PIN4: variants seen among roughly 807,000 people sequenced by gnomAD.
PIN4 encodes peptidyl-prolyl cis-trans isomerase NIMA-interacting 4.
Under a neutral mutation model 8.3 loss-of-function variants are expected in PIN4, and 3 were observed. The ratio of observed to expected loss-of-function variants is 0.36; its 90% confidence interval spans 0.16 to 0.93. The LOEUF is 0.93. Among genes scored for constraint, PIN4 ranks in the 40% least tolerant of loss-of-function variants. The pLI is 0.44. For missense variants in PIN4, 75 were observed against 100.6 expected, an observed-to-expected ratio of 0.75 and a Z score of 1.09; for synonymous variants, 18 against 32.5, an observed-to-expected ratio of 0.55 and a Z score of 1.52.
At chrX:72,250,123 C>T (rs775183018) in intron 3 of PIN4, among the ~76,000 whole-genome samples, 8 of 108,880 alleles carry the variant, frequency 7.3e-5, no homozygotes, top group Non-Finnish European at 9.5e-5. Context: ...GAAAAAGTCT[C>T]TCCCACTATC....
intron 3 of PIN4, among the ~76,000 whole-genome samples, chrX:72,239,689 T>C (rs1024345740): frequency 1.1e-4 from 12 of 106,403 alleles, no homozygotes; most frequent in South Asian, 8.4e-4. Flanking sequence ...CGAGAATCGC[T>C]TGGACCCAGG....
At chrX:72,219,645 C>T (rs1362804492) in intron 3 of PIN4, among the ~76,000 whole-genome samples, 16 of 108,004 alleles carry the variant, frequency 1.5e-4, no homozygotes, top group South Asian at 4.1e-4. Flanking sequence ...GTCAGGAGTT[C>T]GAAACCAGCC....
At chrX:72,206,117 G>T (rs761121796) in intron 3 of PIN4, 1 of 1,211,629 alleles carries the variant, frequency 8.3e-7, no homozygotes, top group Non-Finnish European at 1.1e-6. Context: ...TCATCCTTTA[G>T]TTGATCTAAA....
At chrX:72,190,952 C>CAA (rs764925791) in intron 2 of PIN4, among the ~76,000 whole-genome samples, 1 of 61,042 alleles carries the variant, frequency 1.6e-5, no homozygotes, top group African/African-American at 6.1e-5. Flanking sequence ...GACTCCATCT[C>CAA]AAAAAAAAAA....
intron 3 of PIN4, chrX:72,239,014 C>G: frequency 1.2e-6 from 1 of 827,588 alleles, no homozygotes; most frequent in Non-Finnish European, 1.7e-6. Flanking sequence ...TTCGCTCACT[C>G]CCGCCCCGCG....
Position 72,197,985 on chromosome X carries a change from G to T in PIN4, c.*459G>T. On this transcript the variant is annotated 3_prime_UTR_variant, in exon 4 of 4. Coordinates refer to ENST00000373669, the MANE Select transcript of PIN4 (RefSeq NM_006223.4). ...CATGTTAGTCAACTCTGATCTTCCAGGACAGGTGGTATTAGCTCCACTGTC... is the reference window on the plus strand; with the variant it reads ...CATGTTAGTCAACTCTGATCTTCCATGACAGGTGGTATTAGCTCCACTGTC... The T allele has an allele frequency of 1.3e-6, 1 of 755,705 alleles. No homozygotes were observed. The highest frequency in any genetic ancestry group is 1.6e-6 in the Non-Finnish European group (1 of 638,659). The allele number at this position is 755,705 out of a possible 1,213,427, so 62.3% of individuals were successfully genotyped here. A position where few individuals can be genotyped will look rare whatever the true frequency, so the allele number is the denominator to read the frequency against.
chrX:72,238,839 C>T (rs371289978), intron 3 of PIN4: 76 of 1,186,532 alleles, frequency 6.4e-5, no homozygotes, highest in Non-Finnish European at 8.3e-5. Flanking sequence ...GCGGTCCAGA[C>T]ATACCTTAGG....
chrX:72,231,940 G>GCAAT (rs1157732413), intron 3 of PIN4, among the ~76,000 whole-genome samples: 1 of 110,708 alleles, frequency 9.0e-6, no homozygotes, highest in African/African-American at 3.3e-5. Flanking sequence ...CTGGTCAAGT[G>GCAAT]CAATGGCTCA....
At chrX:72,260,738 C>G (rs1336570417) in intron 3 of PIN4, among the ~76,000 whole-genome samples, 1 of 112,035 alleles carries the variant, frequency 8.9e-6, no homozygotes, top group East Asian at 2.8e-4. Context: ...CATCCATTTG[C>G]TTAAGCCAGA....
chrX:72,219,085 G>A (rs778691652), intron 3 of PIN4, among the ~76,000 whole-genome samples: 144 of 108,500 alleles, frequency 1.3e-3, no homozygotes, highest in Non-Finnish European at 2.4e-3. Flanking sequence ...GTGAAACCCC[G>A]TCCCTACTAA....
intron 3 of PIN4, among the ~76,000 whole-genome samples, chrX:72,225,597 C>T (rs894547315): frequency 8.9e-6 from 1 of 112,185 alleles, no homozygotes; most frequent in African/African-American, 3.2e-5. Context: ...AAGGGACTTA[C>T]TTTCTTTCCT....
At chrX:72,251,374 AAT>A (rs2043087174) in intron 3 of PIN4, among the ~76,000 whole-genome samples, 1 of 107,033 alleles carries the variant, frequency 9.3e-6, no homozygotes, top group Non-Finnish European at 1.9e-5. Context: ...AAAAAAAAAA[AAT>A]ATGTGTGAGT....
chrX:72,256,760 G>A (rs181336618), intron 3 of PIN4, among the ~76,000 whole-genome samples: 1 of 112,059 alleles, frequency 8.9e-6, no homozygotes, highest in East Asian at 2.8e-4. Flanking sequence ...GTTTCACTGA[G>A]AACGTATGTT....
intron 3 of PIN4, among the ~76,000 whole-genome samples, chrX:72,249,833 A>C (rs1195731805): frequency 9.0e-6 from 1 of 111,496 alleles, no homozygotes; most frequent in Non-Finnish European, 1.9e-5. Context: ...TTACACAAGC[A>C]CCCACAATAT....
intron 3 of PIN4, among the ~76,000 whole-genome samples, chrX:72,259,434 G>C (rs2043128111): frequency 9.1e-6 from 1 of 109,563 alleles, no homozygotes; most frequent in Non-Finnish European, 1.9e-5. Flanking sequence ...TGGTCAGACT[G>C]GTCTCGAACT....
chrX:72,252,682 G>C (rs758649478), intron 3 of PIN4, among the ~76,000 whole-genome samples: 161 of 112,026 alleles, frequency 1.4e-3, no homozygotes, highest in African/African-American at 4.8e-3. Context: ...GAGCCACCGC[G>C]CCCGGTCCCT....
chrX:72,212,801 C>T (rs1028376162), intron 3 of PIN4, among the ~76,000 whole-genome samples: 1 of 111,049 alleles, frequency 9.0e-6, no homozygotes, highest in Non-Finnish European at 1.9e-5. Context: ...AAAAATTAGC[C>T]GGGTTTGGTG....
At chrX:72,251,093 C>T (rs2043085172) in intron 3 of PIN4, among the ~76,000 whole-genome samples, 1 of 105,078 alleles carries the variant, frequency 9.5e-6, no homozygotes, top group African/African-American at 3.5e-5. Context: ...TGCGGTGGCT[C>T]ACGCCTGTAA....
chrX:72,252,311 C>CT (rs1385765073), intron 3 of PIN4, among the ~76,000 whole-genome samples: 1 of 110,275 alleles, frequency 9.1e-6, no homozygotes, highest in Non-Finnish European at 1.9e-5. Context: ...CTTGCTCAGG[C>CT]TGGTCTTGAA....
Sources: gnomAD v4.1 joint callset for allele counts (sites outside exome capture counted in the v4.1 genomes callset) on GRCh38, gnomAD v4.1.1 for gene constraint, MANE v1.5 for transcripts, NCBI Gene and HGNC (gene_info 2026-07-23, HGNC 2026-07-21) for gene names.